CLVS1: variants seen among roughly 807,000 people sequenced by gnomAD.
The protein encoded by CLVS1 is clavesin-1.
In CLVS1, 10 loss-of-function variants were observed where a neutral mutation model predicts 33.1. The observed-to-expected ratio is 0.30, with a 90% CI of 0.19 to 0.51. CLVS1 has a LOEUF of 0.51. Ranked by LOEUF, CLVS1 falls within the 20% of genes least tolerant of loss-of-function variation. CLVS1 has a pLI of 0.97. For synonymous variants in CLVS1, 163 were observed against 166.1 expected (o/e 0.98, Z 0.14); for missense variants, 343 against 433.4 (o/e 0.79, Z 1.85).
chr8:61,134,515 C>T (rs1365249304), intron 2 of CLVS1, among the ~76,000 whole-genome samples: 1 of 152,182 alleles, frequency 6.6e-6, no homozygotes, highest in Non-Finnish European at 1.5e-5. Context: ...TATAAAGTTG[C>T]ATTGGAACAT....
At chr8:61,206,955 A>G (rs1476880800) in intron 2 of CLVS1, among the ~76,000 whole-genome samples, 2 of 152,158 alleles carry the variant, frequency 1.3e-5, no homozygotes, top group Non-Finnish European at 2.9e-5. Flanking sequence ...ATGATGGAAC[A>G]GCTGTATATG....
chr8:61,317,140 A>G (rs931883933), intron 2 of CLVS1, among the ~76,000 whole-genome samples: 3 of 152,162 alleles, frequency 2.0e-5, no homozygotes, highest in African/African-American at 7.2e-5. Flanking sequence ...ACAGAAACTT[A>G]TTTCTCAGAG....
In CLVS1 at chr8:61,428,076, T is replaced by A. The variant is rs76510407; in HGVS notation, c.631-26065T>A. ...GTGCTGTCTTTATTTTAACAGGAGATAAAGCTCTATGACAAAGGGATGAAT... is the reference window on the plus strand; with the variant it reads ...GTGCTGTCTTTATTTTAACAGGAGAAAAAGCTCTATGACAAAGGGATGAAT... On this transcript the variant is annotated intron_variant, in intron 3 of 5. Transcript: ENST00000325897. 2.4e-4 allele frequency among the ~76,000 whole-genome samples: 37 copies of A among 152,368 alleles called. No homozygotes were observed. The East Asian group carries it at 6.7e-3, about 28-fold the overall frequency.
At chr8:61,333,827 A>AT (rs113036218) in intron 2 of CLVS1, among the ~76,000 whole-genome samples, 3,156 of 151,116 alleles carry the variant, frequency 0.021, 99 homozygotes, top group African/African-American at 0.069. Context: ...TCCATTTGTT[A>AT]TTTTTTTTTG....
intron 1 of CLVS1, among the ~76,000 whole-genome samples, chr8:61,060,638 A>C (rs1468146572): frequency 3.9e-5 from 6 of 152,134 alleles, no homozygotes. Context: ...TATATTCAGT[A>C]CTAGTCTTTC....
At chr8:61,320,662 G>T (rs1253624671) in intron 2 of CLVS1, among the ~76,000 whole-genome samples, 1 of 152,210 alleles carries the variant, frequency 6.6e-6, no homozygotes, top group Non-Finnish European at 1.5e-5. Context: ...CTGGTTCATA[G>T]ATGGTACCTT....
At chr8:61,290,875 T>G (rs993423868) in intron 1 of CLVS1, among the ~76,000 whole-genome samples, 3 of 152,230 alleles carry the variant, frequency 2.0e-5, no homozygotes, top group African/African-American at 7.2e-5. Context: ...TTTTGATTAT[T>G]GTTAATTTTA....
intron 2 of CLVS1, among the ~76,000 whole-genome samples, chr8:61,145,811 T>C (rs956111618): frequency 6.6e-6 from 1 of 152,198 alleles, no homozygotes; most frequent in Non-Finnish European, 1.5e-5. Context: ...ACTCACAGTA[T>C]CCAAGGTGGC....
At chr8:61,498,038 T>C (rs1804328559) in intron 5 of CLVS1, among the ~76,000 whole-genome samples, 1 of 152,192 alleles carries the variant, frequency 6.6e-6, no homozygotes, top group Admixed American at 6.5e-5. Flanking sequence ...ATGATCTGTA[T>C]CTTTTGCTAA....
chr8:61,035,180 CTTTTTTCT>C, the CLVS1 span, among the ~76,000 whole-genome samples: 1 of 86,046 alleles, frequency 1.2e-5, no homozygotes, highest in Non-Finnish European at 2.5e-5. Context: ...CTTTTCTTTT[CTTTTTTCT>C]TTTTTTTTTT....
intron 2 of CLVS1, among the ~76,000 whole-genome samples, chr8:61,318,844 C>T (rs972112051): frequency 1.7e-4 from 26 of 152,056 alleles, no homozygotes; most frequent in African/African-American, 6.0e-4. Flanking sequence ...GCCCTGGGCT[C>T]TGAAGAGCCT....
chr8:61,300,357 C>A, intron 2 of CLVS1, 75 bp downstream of exon 2: 1 of 1,252,982 alleles, frequency 8.0e-7, no homozygotes, highest in Non-Finnish European at 1.1e-6. Flanking sequence ...GGTTGTATGG[C>A]TTTATATGTA....
rs554275542 is a variant in CLVS1 at position 61,246,900 on chromosome 8, C to T, written c.-151-52777C>T. Among the ~76,000 whole-genome samples the T allele has an allele frequency of 2.6e-5, 4 of 152,110 alleles. No individual in the cohort carries two copies. The East Asian group carries it at 7.7e-4, about 29-fold the overall frequency. On this transcript the variant is annotated intron_variant, in intron 2 of 2. Coordinates refer to the CLVS1 transcript ENST00000522621. ...GGGTTTGTTGTACATATTATTATAT[C>T]ACCCAGGTATTAATCTCAGTATCCA...
At chr8:61,011,975 AG>A in the CLVS1 span, among the ~76,000 whole-genome samples, 4 of 152,188 alleles carry the variant, frequency 2.6e-5, no homozygotes, top group Non-Finnish European at 5.9e-5. Flanking sequence ...ACGCCCATGC[AG>A]GGGCTCAGCT....
chr8:61,454,103 C>T (rs1030732629), intron 3 of CLVS1, 38 bp from the exon 4 acceptor site: 3 of 1,400,478 alleles, frequency 2.1e-6, no homozygotes, highest in Non-Finnish European at 3.0e-6. Flanking sequence ...ACAAGGTGTG[C>T]TTACTAATCG....
intron 2 of CLVS1, among the ~76,000 whole-genome samples, chr8:61,224,018 A>T (rs1384271802): frequency 1.3e-5 from 2 of 152,008 alleles, no homozygotes; most frequent in East Asian, 3.9e-4. Context: ...CAGCTCCATT[A>T]GGTCATTTAT....
At chr8:60,993,447 T>C in the CLVS1 span, among the ~76,000 whole-genome samples, 1 of 152,238 alleles carries the variant, frequency 6.6e-6, no homozygotes, top group African/African-American at 2.4e-5. Flanking sequence ...TGTGCTTCTC[T>C]TGCTGGCTGG....
chr8:61,283,420 T>A (rs944284753), upstream of CLVS1, among the ~76,000 whole-genome samples: 5 of 152,210 alleles, frequency 3.3e-5, no homozygotes, highest in African/African-American at 1.2e-4. Flanking sequence ...TGCAGAAATA[T>A]GCTTGAGTTT....
intron 2 of CLVS1, among the ~76,000 whole-genome samples, chr8:61,276,800 C>A (rs1809568819): frequency 6.6e-6 from 1 of 152,096 alleles, no homozygotes; most frequent in African/African-American, 2.4e-5. Flanking sequence ...TATGTAAAAA[C>A]AGAAAAGTGA....
Sources: allele counts gnomAD v4.1 joint callset (sites outside exome capture counted in the v4.1 genomes callset), GRCh38; gene constraint gnomAD v4.1.1; transcripts MANE v1.5; gene names NCBI Gene and HGNC (gene_info 2026-07-23, HGNC 2026-07-21).